Variants in CNTNAP2 observed in about 807,000 individuals in gnomAD.
CNTNAP2 encodes the protein contactin-associated protein-like 2.
In CNTNAP2, 98 loss-of-function variants were observed where a neutral mutation model predicts 155.2. The ratio of observed to expected loss-of-function variants is 0.63; its 90% CI spans 0.54 to 0.75. The LOEUF is 0.75. Ranked by LOEUF, CNTNAP2 falls within the 30% of genes least tolerant of loss-of-function variation. The pLI, the probability that CNTNAP2 is intolerant of heterozygous loss-of-function variation, is 0.00. For synonymous variants in CNTNAP2, 651 were observed against 631.2 expected (o/e 1.03, Z -0.47); for missense variants, 1,727 against 1,688.1 (o/e 1.02, Z -0.40).
chr7:148,395,372 C>T (rs921189063), intron 22 of CNTNAP2, among the ~76,000 whole-genome samples: 1 of 152,052 alleles, frequency 6.6e-6, no homozygotes, highest in African/African-American at 2.4e-5. Context: ...TCCAGCCATG[C>T]TCTCTTCTGA....
At chr7:148,040,902 G>A (rs961871717) in intron 15 of CNTNAP2, among the ~76,000 whole-genome samples, 2 of 152,076 alleles carry the variant, frequency 1.3e-5, no homozygotes, top group South Asian at 2.1e-4. Context: ...AGCACTTTGG[G>A]ATGCTGAGGC....
intron 13 of CNTNAP2, among the ~76,000 whole-genome samples, chr7:147,770,179 G>A (rs192311766): frequency 7.3e-4 from 111 of 152,278 alleles, no homozygotes; most frequent in Non-Finnish European, 1.1e-3. Flanking sequence ...CAAGGTAAAC[G>A]TCTTGCTGTC....
chr7:147,638,288 G>T (rs1265525700), intron 12 of CNTNAP2, among the ~76,000 whole-genome samples: 2 of 152,006 alleles, frequency 1.3e-5, no homozygotes, highest in Admixed American at 6.6e-5. Context: ...AGGGATCCTA[G>T]TTTTATCTTA....
At chr7:147,134,177 T>C (rs1472090496) in intron 8 of CNTNAP2, among the ~76,000 whole-genome samples, 1 of 151,974 alleles carries the variant, frequency 6.6e-6, no homozygotes, top group Non-Finnish European at 1.5e-5. Flanking sequence ...AGCCAATATA[T>C]TTGAAAGGAT....
At chr7:146,750,626 C>T (rs1158410506) in intron 1 of CNTNAP2, among the ~76,000 whole-genome samples, 5 of 152,082 alleles carry the variant, frequency 3.3e-5, no homozygotes, top group East Asian at 1.9e-4. Flanking sequence ...TTTCTTTTGT[C>T]GTCAGTGCTA....
chr7:147,767,395 A>G (rs866091448), intron 13 of CNTNAP2, among the ~76,000 whole-genome samples: 36 of 152,242 alleles, frequency 2.4e-4, no homozygotes, highest in African/African-American at 8.2e-4. Flanking sequence ...TCCGTAATAC[A>G]TATAATTTCC....
intron 13 of CNTNAP2, among the ~76,000 whole-genome samples, chr7:147,838,851 G>A (rs897933537): frequency 2.0e-5 from 3 of 151,956 alleles, no homozygotes; most frequent in African/African-American, 7.3e-5. Context: ...ACATTTTTTG[G>A]TATCTTTTCA....
intron 20 of CNTNAP2, among the ~76,000 whole-genome samples, chr7:148,238,769 G>T (rs917088364): frequency 6.6e-6 from 1 of 152,020 alleles, no homozygotes; most frequent in African/African-American, 2.4e-5. Context: ...GTCCATTTTA[G>T]GATCCTTCTT....
At chr7:146,502,673 G>A (rs905763164) in intron 1 of CNTNAP2, among the ~76,000 whole-genome samples, 6 of 152,164 alleles carry the variant, frequency 3.9e-5, no homozygotes, top group South Asian at 4.2e-4. Flanking sequence ...GTGCAATGGC[G>A]CAATCTAGGC....
chr7:147,694,217 A>G (rs1223329094), intron 13 of CNTNAP2, among the ~76,000 whole-genome samples: 2 of 152,044 alleles, frequency 1.3e-5, no homozygotes, highest in Non-Finnish European at 2.9e-5. Context: ...AGTTGTTCAT[A>G]GTATACAGTT....
chr7:148,023,884 T>C (rs1479171155), intron 15 of CNTNAP2, among the ~76,000 whole-genome samples: 1 of 152,122 alleles, frequency 6.6e-6, no homozygotes, highest in African/African-American at 2.4e-5. Context: ...TCCTCCCAAA[T>C]ACAAAACTCT....
At chr7:147,316,553 G>T (rs962443309) in intron 9 of CNTNAP2, among the ~76,000 whole-genome samples, 5 of 152,218 alleles carry the variant, frequency 3.3e-5, no homozygotes, top group Middle Eastern at 3.4e-3. Context: ...ATGTGGAGAT[G>T]ATACAATAAG....
intron 14 of CNTNAP2, among the ~76,000 whole-genome samples, chr7:147,942,429 A>G (rs1467982534): frequency 2.0e-5 from 3 of 152,218 alleles, no homozygotes; most frequent in African/African-American, 7.2e-5. Flanking sequence ...AAAACAGTTT[A>G]CCTAAGAGGA....
chr7:147,160,766 G>C (rs536976880), intron 8 of CNTNAP2, among the ~76,000 whole-genome samples: 1 of 152,182 alleles, frequency 6.6e-6, no homozygotes, highest in African/African-American at 2.4e-5. Context: ...ATATGCAGAG[G>C]CATAAAGGAA....
At chr7:147,484,926 C>T (rs1293376732) in intron 10 of CNTNAP2, among the ~76,000 whole-genome samples, 1 of 152,164 alleles carries the variant, frequency 6.6e-6, no homozygotes, top group Admixed American at 6.5e-5. Context: ...AATACTGGTA[C>T]ATCACAATGA....
chr7:148,118,833 G>A (rs533911639), intron 16 of CNTNAP2, among the ~76,000 whole-genome samples: 2 of 152,280 alleles, frequency 1.3e-5, no homozygotes, highest in African/African-American at 4.8e-5. Context: ...TGGATGTCAT[G>A]TACTTAGCCA....
chr7:148,335,576 C>T (rs4726959), intron 21 of CNTNAP2, among the ~76,000 whole-genome samples: 64,760 of 152,018 alleles, frequency 0.43, 14,321 homozygotes, highest in East Asian at 0.66. Flanking sequence ...CTTATAATTA[C>T]GTGTCAAGAG....
At chr7:146,935,973 G>A (rs1263681936) in intron 3 of CNTNAP2, among the ~76,000 whole-genome samples, 3 of 152,134 alleles carry the variant, frequency 2.0e-5, no homozygotes, top group Admixed American at 2.0e-4. Flanking sequence ...GGTTTTAAAT[G>A]TTTGCATTCA....
chr7:147,659,702 T>G (rs1795583151), intron 13 of CNTNAP2, among the ~76,000 whole-genome samples: 1 of 152,116 alleles, frequency 6.6e-6, no homozygotes, highest in Non-Finnish European at 1.5e-5. Context: ...TGACAGTAGA[T>G]TTACCCCTGG....
Sources: gnomAD v4.1 joint callset for allele counts (sites outside exome capture counted in the v4.1 genomes callset) on GRCh38, gnomAD v4.1.1 for gene constraint, MANE v1.5 for transcripts, NCBI Gene and HGNC (gene_info 2026-07-23, HGNC 2026-07-21) for gene names.